SLAIN1: variants seen among roughly 807,000 people sequenced by gnomAD.
The protein encoded by SLAIN1 is SLAIN family member 1.
A neutral mutation model predicts 55.4 loss-of-function variants in SLAIN1; 17 were observed. That is an observed-to-expected ratio of 0.31 (90% CI 0.21 to 0.46). SLAIN1 has a LOEUF of 0.46. Among genes scored for constraint, SLAIN1 ranks in the 20% least tolerant of loss-of-function variants. The pLI is 1.00. For missense variants in SLAIN1, 682 were observed against 785.1 expected (o/e 0.87, Z 1.57); for synonymous variants, 348 against 337.4 (o/e 1.03, Z -0.35).
chr13:77,761,198 T>A, intron 6 of SLAIN1, 88 bp downstream of exon 6: 3 of 1,304,232 alleles, frequency 2.3e-6, no homozygotes, highest in Non-Finnish European at 3.2e-6. Flanking sequence ...TGGCTCACTT[T>A]AACCTTAGTA....
At chr13:77,710,493 G>C (rs146507341) in intron 1 of SLAIN1, among the ~76,000 whole-genome samples, 176 of 152,234 alleles carry the variant, frequency 1.2e-3, no homozygotes, top group African/African-American at 4.0e-3. Context: ...AAGAGACAAA[G>C]AAGGGCATCA....
Position 77,698,668 on chromosome 13 carries a change from G to A in SLAIN1, c.626+129G>A. The A allele has an allele frequency of 6.3e-6, 8 of 1,269,694 alleles. No individual in the cohort carries two copies. The highest frequency in any genetic ancestry group is 8.1e-6 in the Non-Finnish European group (8 of 992,456). The allele number at this position is 1,269,694 out of a possible 1,614,324, so 78.7% of individuals were successfully genotyped here. On this transcript the variant is annotated intron_variant, in intron 1 of 6. Coordinates refer to ENST00000418532, the MANE Select transcript of SLAIN1 (RefSeq NM_001242868.2). The surrounding 1 kb of genome is among the most constrained non-coding windows in gnomAD (Gnocchi z 4.1). Reference sequence around the variant, plus strand: ...GGTGACTCCCCGCGGCTCCCGGAGGGGCCGACCCAGCAGGTGTTGAGCCAG... The same window carrying A: ...GGTGACTCCCCGCGGCTCCCGGAGGAGCCGACCCAGCAGGTGTTGAGCCAG...
chr13:77,714,338 A>T (rs574265920), intron 1 of SLAIN1, among the ~76,000 whole-genome samples: 3 of 152,164 alleles, frequency 2.0e-5, no homozygotes, highest in Admixed American at 6.5e-5. Flanking sequence ...AGTACTGGTC[A>T]TGGTGGGTCA....
intron 1 of SLAIN1, among the ~76,000 whole-genome samples, chr13:77,714,689 A>G (rs2091188802): frequency 6.6e-6 from 1 of 152,178 alleles, no homozygotes; most frequent in Non-Finnish European, 1.5e-5. Flanking sequence ...TTGGAATACA[A>G]TTAATATGTA....
chr13:77,705,979 G>A (rs1457308372), intron 1 of SLAIN1, among the ~76,000 whole-genome samples: 1 of 151,994 alleles, frequency 6.6e-6, no homozygotes, highest in Non-Finnish European at 1.5e-5. Flanking sequence ...CATTTGTATA[G>A]CACCTCAACA....
At chr13:77,721,457 C>A (rs537909247) in intron 2 of SLAIN1, among the ~76,000 whole-genome samples, 1 of 152,270 alleles carries the variant, frequency 6.6e-6, no homozygotes, top group Admixed American at 6.5e-5. Context: ...GTTATATAGA[C>A]CATTCCTAAG....
At chr13:77,744,762 T>C (rs1873703072) in intron 3 of SLAIN1, among the ~76,000 whole-genome samples, 1 of 152,074 alleles carries the variant, frequency 6.6e-6, no homozygotes, top group Non-Finnish European at 1.5e-5. Context: ...TAGTGGAAAT[T>C]CGTGTTTACA....
At chr13:77,732,895 G>C (rs1872946390) in intron 2 of SLAIN1, among the ~76,000 whole-genome samples, 1 of 152,112 alleles carries the variant, frequency 6.6e-6, no homozygotes, top group Non-Finnish European at 1.5e-5. Flanking sequence ...CTTTGAGACT[G>C]TTGTCCTGGT....
chr13:77,724,561 C>T (rs2091290642), intron 2 of SLAIN1, among the ~76,000 whole-genome samples: 1 of 152,052 alleles, frequency 6.6e-6, no homozygotes, highest in Non-Finnish European at 1.5e-5. Flanking sequence ...CATAGTTAAT[C>T]CCCCATATTG....
chr13:77,731,946 A>C (rs1219901294), intron 2 of SLAIN1, among the ~76,000 whole-genome samples: 1 of 151,632 alleles, frequency 6.6e-6, no homozygotes, highest in Non-Finnish European at 1.5e-5. Context: ...AGGAAAAGAG[A>C]CTCCTGTTTT....
Position 77,761,083 on chromosome 13 carries a change from G to A in SLAIN1, c.1670G>A (p.Arg557Gln), listed in dbSNP as rs1594302193. Reference protein sequence around the residue: ...SLAINGSNLPRSKIAQPVRSF... With the variant: ...SLAINGSNLPQSKIAQPVRSF... ...GCAATAAATGGGAGTAACCTGCCTC[G>A]AAGCAAAATTGCACAACCTGTTAGA... Residue 557 changes from arginine to glutamine, a missense_variant, in exon 6 of 7, where the codon CGA becomes CAA. Arg to Gln is a conservative substitution (Grantham distance 43, BLOSUM62 1). Coordinates refer to ENST00000418532, the MANE Select transcript of SLAIN1 (RefSeq NM_001242868.2). 3.7e-6 allele frequency: 6 copies of A among 1,614,066 alleles called. No individual in the cohort carries two copies. The highest frequency in any genetic ancestry group is 1.3e-5 in the African/African-American group (1 of 75,018).
chr13:77,745,687 A>G (rs1873765317), intron 3 of SLAIN1, among the ~76,000 whole-genome samples: 1 of 152,128 alleles, frequency 6.6e-6, no homozygotes, highest in Non-Finnish European at 1.5e-5. Context: ...CAAGGCTTCT[A>G]TGAGAAACAT....
chr13:77,750,435 T>C (rs1594291360), intron 4 of SLAIN1, among the ~76,000 whole-genome samples: 1 of 152,168 alleles, frequency 6.6e-6, no homozygotes, highest in Non-Finnish European at 1.5e-5. Context: ...AGTCTAGTAC[T>C]GATAGAGGCT....
chr13:77,698,649 TC>T lies in SLAIN1; in HGVS notation c.626+114del. Reference sequence around the variant, plus strand: ...GTCCCCTCGCGGCAGCCGGGGTGACTCCCCGCGGCTCCCGGAGGGGCCGACC... The same window carrying T: ...GTCCCCTCGCGGCAGCCGGGGTGACTCCCGCGGCTCCCGGAGGGGCCGACC... On this transcript the variant is annotated intron_variant, in intron 1 of 6. Coordinates refer to ENST00000418532, the MANE Select transcript of SLAIN1 (RefSeq NM_001242868.2). This position sits in a 1 kb window ranked among gnomAD's most constrained non-coding sequence, Gnocchi z 4.1. 7.7e-7 allele frequency: 1 copy of T among 1,292,154 alleles called. No homozygotes were observed. Among genetic ancestry groups the T allele is most frequent in the Non-Finnish European group, 9.8e-7 (1 of 1,018,474 alleles). The allele number at this position is 1,292,154 out of a possible 1,614,324, so 80.0% of individuals were successfully genotyped here.
At chr13:77,763,122 C>G in intron 6 of SLAIN1, 23 bp from the exon 7 acceptor site, 5 of 1,596,822 alleles carry the variant, frequency 3.1e-6, no homozygotes, top group Non-Finnish European at 4.3e-6. Flanking sequence ...ATCTCTCTCT[C>G]TGTTTTTCTT....
At chr13:77,748,920 A>G (rs1204702048) in intron 4 of SLAIN1, among the ~76,000 whole-genome samples, 1 of 152,120 alleles carries the variant, frequency 6.6e-6, no homozygotes, top group African/African-American at 2.4e-5. Context: ...CCACCTAAAT[A>G]TATTATAAGG....
At chr13:77,700,770 GTTTA>G (rs1160143024) in intron 1 of SLAIN1, among the ~76,000 whole-genome samples, 5 of 151,976 alleles carry the variant, frequency 3.3e-5, no homozygotes, top group Non-Finnish European at 5.9e-5. Context: ...TATTTCCTGT[GTTTA>G]TTAAGAAACA....
intron 1 of SLAIN1, among the ~76,000 whole-genome samples, chr13:77,706,198 CTT>C (rs1455712600): frequency 2.0e-5 from 3 of 152,060 alleles, no homozygotes; most frequent in African/African-American, 7.2e-5. Flanking sequence ...AAGAAGAAAA[CTT>C]AGCTCTCTTC....
In SLAIN1 at chr13:77,703,142, T is replaced by G. The variant is rs530707879; in HGVS notation, c.626+4603T>G. On this transcript the variant is annotated intron_variant, in intron 1 of 6. Coordinates refer to ENST00000418532, the MANE Select transcript of SLAIN1 (RefSeq NM_001242868.2). ...TAGTAGAATGACAATTAACAGAACA[T>G]TGAGACTATATAAACAGGATGTGGC... Among the ~76,000 whole-genome samples, 4 of 152,234 alleles carry G rather than the reference T, an allele frequency of 2.6e-5. No homozygotes were observed. The South Asian group carries it at 8.3e-4, about 32-fold the overall frequency.
Sources: gnomAD v4.1 joint callset for allele counts (sites outside exome capture counted in the v4.1 genomes callset) on GRCh38, gnomAD v4.1.1 for gene constraint, Gnocchi (gnomAD v3.1) non-coding constraint, MANE v1.5 for transcripts, NCBI Gene and HGNC (gene_info 2026-07-23, HGNC 2026-07-21) for gene names.